Variants in MCC observed in about 807,000 individuals in gnomAD.
MCC encodes colorectal mutant cancer protein.
Under a neutral mutation model 116.2 loss-of-function variants are expected in MCC, and 90 were observed. The observed-to-expected ratio is 0.77, with a 90% CI of 0.65 to 0.92. MCC has a LOEUF of 0.92. Ranked by LOEUF, MCC falls within the 40% of genes least tolerant of loss-of-function variation. MCC has a pLI of 0.00. For synonymous variants in MCC, 578 were observed against 510.5 expected (o/e 1.13, Z -1.78); for missense variants, 1,516 against 1,312.2 (o/e 1.16, Z -2.40).
At chr5:113,281,405 T>C (rs1374408932) in intron 3 of MCC, among the ~76,000 whole-genome samples, 2 of 152,214 alleles carry the variant, frequency 1.3e-5, no homozygotes, top group Non-Finnish European at 2.9e-5. Flanking sequence ...CAGGAAAGAA[T>C]GGTCATGCAC....
chr5:113,137,832 G>T (rs1040299540), intron 5 of MCC, among the ~76,000 whole-genome samples: 4 of 151,998 alleles, frequency 2.6e-5, no homozygotes, highest in Non-Finnish European at 5.9e-5. Flanking sequence ...CATCTCTAGG[G>T]CATTGAAAAA....
intron 1 of MCC, among the ~76,000 whole-genome samples, chr5:113,388,480 C>T (rs1187113116): frequency 6.6e-6 from 1 of 152,062 alleles, no homozygotes; most frequent in Non-Finnish European, 1.5e-5. Flanking sequence ...GGGGTTAATC[C>T]CTCATGAATG....
intron 1 of MCC, among the ~76,000 whole-genome samples, chr5:113,442,207 G>C (rs1490672356): frequency 6.6e-6 from 1 of 152,208 alleles, no homozygotes; most frequent in African/African-American, 2.4e-5. Flanking sequence ...ACTGGCATGA[G>C]ATAGTAACTC....
intron 3 of MCC, among the ~76,000 whole-genome samples, chr5:113,324,449 A>G (rs910648895): frequency 2.6e-5 from 4 of 152,194 alleles, no homozygotes; most frequent in Admixed American, 2.0e-4. Flanking sequence ...GAAACTACCA[A>G]TCACCCAAAT....
Position 113,434,402 on chromosome 5 carries a change from C to G in MCC, c.171-49190G>C, listed in dbSNP as rs369016859. 53 of 1,613,840 alleles carry G rather than the reference C, an allele frequency of 3.3e-5. No homozygotes were observed. Among genetic ancestry groups the G allele is most frequent in the Non-Finnish European group, 4.2e-5 (49 of 1,179,996 alleles). On this transcript the variant is annotated intron_variant, in intron 1 of 18. Coordinates refer to ENST00000408903, the MANE Select transcript of MCC (RefSeq NM_001085377.2). This position sits in a 1 kb window ranked among gnomAD's most constrained non-coding sequence, Gnocchi z 4.2. ...AGTCGGACAGCTTGATGTTGAAGTC[C>G]TTGTCAAGGAGAAGGTTGTCACACT...
chr5:113,245,780 C>T (rs1008786623), intron 3 of MCC, among the ~76,000 whole-genome samples: 1 of 152,142 alleles, frequency 6.6e-6, no homozygotes, highest in African/African-American at 2.4e-5. Flanking sequence ...CCAAAGGAAT[C>T]CTAGCCATAA....
In MCC at chr5:113,340,558, G is replaced by A. The variant is rs1334511453; in HGVS notation, c.588C>T (p.Gly196=). The A allele has an allele frequency of 1.9e-5, 31 of 1,614,054 alleles. No individual in the cohort carries two copies. Among genetic ancestry groups the A allele is most frequent in the Non-Finnish European group, 2.6e-5 (31 of 1,180,018 alleles). The stretch of plus-strand genomic sequence containing the variant: ...CTAGATAGCTTCCTCCTACAGAGTT[G>A]CCAATGTGCGGGGACTGTGTGAGCA... ...HKLLTQSPHI[G]NSVGGSYLEL... Residue 196 remains glycine (G), a synonymous_variant, in exon 3 of 19, where the codon GGC becomes GGT. Transcript: ENST00000408903.
At chr5:113,306,865 G>A (rs1392122415) in intron 3 of MCC, among the ~76,000 whole-genome samples, 2 of 151,176 alleles carry the variant, frequency 1.3e-5, no homozygotes, top group East Asian at 3.9e-4. Flanking sequence ...CTTATGTTGA[G>A]GTCAATGATC....
chr5:113,229,206 G>A (rs1763853909), intron 3 of MCC, among the ~76,000 whole-genome samples: 1 of 152,144 alleles, frequency 6.6e-6, no homozygotes, highest in Non-Finnish European at 1.5e-5. Flanking sequence ...AGACGAAGAA[G>A]GGATAGCCAG....
intron 1 of MCC, among the ~76,000 whole-genome samples, chr5:113,459,782 A>G (rs1033906905): frequency 9.2e-5 from 14 of 151,556 alleles, no homozygotes; most frequent in African/African-American, 3.4e-4. Context: ...AAACTAGATA[A>G]CAGATATCCC....
At chr5:113,158,317 C>G (rs1245881022) in intron 3 of MCC, among the ~76,000 whole-genome samples, 6 of 152,130 alleles carry the variant, frequency 3.9e-5, no homozygotes, top group African/African-American at 1.4e-4. Flanking sequence ...GCCAACTTCT[C>G]TCATCCAGTG....
intron 4 of MCC, among the ~76,000 whole-genome samples, chr5:113,144,861 C>T (rs1224518319): frequency 6.6e-6 from 1 of 152,124 alleles, no homozygotes; most frequent in Non-Finnish European, 1.5e-5. Flanking sequence ...CCTGAAACAT[C>T]AAATAACCTC....
intron 3 of MCC, among the ~76,000 whole-genome samples, chr5:113,328,488 G>A (rs989428969): frequency 6.6e-6 from 1 of 152,088 alleles, no homozygotes; most frequent in East Asian, 1.9e-4. Flanking sequence ...ACTACTAATG[G>A]TTTTCCTCTT....
chr5:113,200,702 C>T (rs1254556064), intron 3 of MCC, among the ~76,000 whole-genome samples: 1 of 152,012 alleles, frequency 6.6e-6, no homozygotes. Flanking sequence ...GCCTAGCCAA[C>T]CTTATAAGCA....
At chr5:113,383,106 G>C (rs1308936835) in intron 2 of MCC, among the ~76,000 whole-genome samples, 3 of 152,006 alleles carry the variant, frequency 2.0e-5, no homozygotes, top group African/African-American at 7.2e-5. Context: ...TTCCTTTTAG[G>C]ATTTTTATAA....
intron 17 of MCC, among the ~76,000 whole-genome samples, chr5:113,041,426 T>C (rs917155755): frequency 2.6e-5 from 4 of 152,254 alleles, no homozygotes; most frequent in Admixed American, 2.0e-4. Context: ...AGATGTTTTC[T>C]TCTTCCTGAA....
At chr5:113,352,683 G>C (rs1393098513) in intron 2 of MCC, among the ~76,000 whole-genome samples, 1 of 92,004 alleles carries the variant, frequency 1.1e-5, no homozygotes, top group Admixed American at 8.7e-5. Flanking sequence ...TGGGAGAAAG[G>C]GTTCATGAAT....
rs775082099 is a variant in MCC at position 113,263,671 on chromosome 5, T to C, written c.627+76848A>G. 5.3e-5 allele frequency among the ~76,000 whole-genome samples: 8 copies of C among 152,180 alleles called. 1 individual carries two copies. Among genetic ancestry groups the C allele is most frequent in the Non-Finnish European group, 8.8e-5 (6 of 68,032 alleles). ...GAAAAGTAAAAGCTATAACACAAGA[T>C]TGCAGTAATTTTATTGCAGGGAATC... is the stretch of plus-strand genomic sequence containing the variant. On this transcript the variant is annotated intron_variant, in intron 3 of 18. Coordinates refer to ENST00000408903, the MANE Select transcript of MCC (RefSeq NM_001085377.2).
rs182989989 is a variant in MCC at position 113,425,784 on chromosome 5, T to C, written c.171-40572A>G. Among the ~76,000 whole-genome samples, 40 of 152,114 alleles carry C rather than the reference T, an allele frequency of 2.6e-4. No individual in the cohort carries two copies. In the East Asian group the frequency reaches 7.5e-3, roughly 29 times the overall value. Reference sequence around the variant, plus strand: ...GTGGACAGACGAGTGTTGTTTTTCATTAGGGATTTTGAATATCTAGTATCT... The same window carrying C: ...GTGGACAGACGAGTGTTGTTTTTCACTAGGGATTTTGAATATCTAGTATCT... On this transcript the variant is annotated intron_variant, in intron 1 of 18. Coordinates refer to ENST00000408903, the MANE Select transcript of MCC (RefSeq NM_001085377.2).
Sources: gnomAD v4.1 joint callset for allele counts (sites outside exome capture counted in the v4.1 genomes callset) on GRCh38, gnomAD v4.1.1 for gene constraint, Gnocchi (gnomAD v3.1) non-coding constraint, MANE v1.5 for transcripts, NCBI Gene and HGNC (gene_info 2026-07-23, HGNC 2026-07-21) for gene names.